The following HLCS variants were observed in gnomAD, a reference collection of about 807,000 sequenced individuals.
HLCS encodes the protein biotin--protein ligase.
A neutral mutation model predicts 75.0 loss-of-function variants in HLCS; 53 were observed. The ratio of observed to expected loss-of-function variants is 0.71; its 90% CI spans 0.57 to 0.89. The LOEUF is 0.89. Ranked by LOEUF, HLCS falls within the 40% of genes least tolerant of loss-of-function variation. HLCS has a pLI of 0.00. For synonymous variants in HLCS, 431 were observed against 428.6 expected (o/e 1.01, Z -0.07); for missense variants, 966 against 1,074.0 (o/e 0.90, Z 1.41).
intron 10 of HLCS, among the ~76,000 whole-genome samples, chr21:36,756,191 C>T (rs1174374955): frequency 1.3e-5 from 2 of 152,068 alleles, no homozygotes; most frequent in Non-Finnish European, 2.9e-5. Flanking sequence ...GTAATCCCAG[C>T]ACTTTGGGAG....
intron 5 of HLCS, among the ~76,000 whole-genome samples, chr21:36,911,093 G>A (rs1006542185): frequency 6.6e-6 from 1 of 152,162 alleles, no homozygotes; most frequent in African/African-American, 2.4e-5. Context: ...CTTAAAAATT[G>A]AGATATTTCA....
intron 6 of HLCS, among the ~76,000 whole-genome samples, chr21:36,833,779 G>C (rs1233098939): frequency 1.3e-5 from 2 of 152,042 alleles, no homozygotes; most frequent in Non-Finnish European, 2.9e-5. Context: ...TGGTAAAGGA[G>C]CCAAAGATTC....
At chr21:36,807,406 A>T (rs1176130715) in intron 6 of HLCS, among the ~76,000 whole-genome samples, 1 of 152,216 alleles carries the variant, frequency 6.6e-6, no homozygotes, top group Non-Finnish European at 1.5e-5. Flanking sequence ...CAAAAGCGAG[A>T]GCATCTCCAT....
chr21:36,930,645 A>C (rs916143515), intron 4 of HLCS, among the ~76,000 whole-genome samples: 13 of 152,032 alleles, frequency 8.6e-5, no homozygotes, highest in Non-Finnish European at 1.3e-4. Flanking sequence ...ACATCTGGCC[A>C]AAAAATTTCT....
chr21:36,977,728 T>G (rs1402547975), intron 1 of HLCS, among the ~76,000 whole-genome samples: 2 of 152,148 alleles, frequency 1.3e-5, no homozygotes, highest in Admixed American at 6.5e-5. Context: ...CCCAACAAAA[T>G]GCACACATTC....
chr21:36,921,323 T>C (rs995262379), intron 5 of HLCS, among the ~76,000 whole-genome samples: 12 of 152,162 alleles, frequency 7.9e-5, no homozygotes, highest in African/African-American at 2.9e-4. Flanking sequence ...TGTGTGCCTA[T>C]AATTCCAGCT....
intron 6 of HLCS, among the ~76,000 whole-genome samples, chr21:36,870,300 G>GT (rs1224480988): frequency 1.3e-5 from 2 of 152,046 alleles, no homozygotes; most frequent in Non-Finnish European, 2.9e-5. Context: ...CCATGAAGGG[G>GT]TGGGGGGAGG....
intron 6 of HLCS, among the ~76,000 whole-genome samples, chr21:36,845,746 T>C (rs117246661): frequency 2.7e-3 from 405 of 152,248 alleles, no homozygotes; most frequent in Non-Finnish European, 3.2e-3. Context: ...TAATCGTTAC[T>C]TGTGCTAAGT....
Position 36,936,819 on chromosome 21 carries a change from G to T in HLCS, c.1067C>A (p.Pro356Gln). 6.2e-7 allele frequency: 1 copy of T among 1,614,132 alleles called. No individual in the cohort carries two copies. The highest frequency in any genetic ancestry group is 8.5e-7 in the Non-Finnish European group (1 of 1,180,018). The part of the protein sequence containing the change: ...HLLEDSALRD[P>Q]WTDNCLLLVI... ...CAACAGCAGACAGTTGTCCGTCCAC[G>T]GGTCTCTGAGAGCACTGTCCTCCAG... Residue 356 changes from proline to glutamine, a missense_variant, in exon 4 of 11, where the codon CCG becomes CAG. By Grantham distance (76) the Pro-to-Gln change is moderately conservative (BLOSUM62 -1). Coordinates refer to ENST00000674895, the MANE Select transcript of HLCS (RefSeq NM_001352514.2).
At chr21:36,922,704 C>T (rs1022492520) in intron 5 of HLCS, among the ~76,000 whole-genome samples, 42 of 152,196 alleles carry the variant, frequency 2.8e-4, no homozygotes, top group Admixed American at 2.6e-3. Flanking sequence ...CACAGGAGCG[C>T]TCTCCTTGCA....
At chr21:36,944,555 A>C (rs2067294892) in intron 2 of HLCS, among the ~76,000 whole-genome samples, 1 of 152,004 alleles carries the variant, frequency 6.6e-6, no homozygotes, top group South Asian at 2.1e-4. Flanking sequence ...AAAACTAGTA[A>C]GGACAATTTC....
intron 1 of HLCS, among the ~76,000 whole-genome samples, chr21:36,988,221 T>A (rs1403545569): frequency 6.6e-6 from 1 of 152,172 alleles, no homozygotes; most frequent in African/African-American, 2.4e-5. Flanking sequence ...AGTTTCTAGT[T>A]TTTTCTTCCT....
Position 36,869,955 on chromosome 21 carries a change from T to C in HLCS, c.1892+26905A>G, listed in dbSNP as rs1420228469. ...AATCCTTTAGGAGTGGGAACAGGAA[T>C]ATGAACAGGAGAAAACCACCTTTAA... On this transcript the variant is annotated intron_variant, in intron 6 of 10. Coordinates refer to ENST00000674895, the MANE Select transcript of HLCS (RefSeq NM_001352514.2). 1.3e-5 allele frequency among the ~76,000 whole-genome samples: 2 copies of C among 152,174 alleles called. 1 individual carries two copies. Among genetic ancestry groups the C allele is most frequent in the Non-Finnish European group, 2.9e-5 (2 of 68,026 alleles).
intron 6 of HLCS, among the ~76,000 whole-genome samples, chr21:36,808,891 T>C (rs191019966): frequency 6.6e-6 from 1 of 152,258 alleles, no homozygotes; most frequent in East Asian, 1.9e-4. Flanking sequence ...TTCCCTTCAA[T>C]CTTAGAAGGA....
intron 2 of HLCS, among the ~76,000 whole-genome samples, chr21:36,950,026 T>C (rs529697060): frequency 9.2e-5 from 14 of 152,202 alleles, no homozygotes; most frequent in African/African-American, 3.4e-4. Context: ...TATGGACATG[T>C]CTCTATCTCA....
chr21:36,954,606 C>A (rs1277720304), intron 2 of HLCS, among the ~76,000 whole-genome samples: 5 of 151,874 alleles, frequency 3.3e-5, no homozygotes, highest in Non-Finnish European at 7.4e-5. Flanking sequence ...CAGAGCAAGA[C>A]TCAGTCTCAA....
rs539250125 is a variant in HLCS, at chr21:36,897,155, G to A, written c.1621-24C>T. On this transcript the variant is annotated intron_variant, in intron 5 of 10. Coordinates refer to ENST00000674895, the MANE Select transcript of HLCS (RefSeq NM_001352514.2). ...TCCTGTGTCATAAAGAAAGAAATGA[G>A]ATGGTCGTAATTTGGCATTACATTA... 5.6e-6 allele frequency: 9 copies of A among 1,613,862 alleles called. No individual in the cohort carries two copies. In the South Asian group the frequency reaches 9.9e-5, roughly 18 times the overall value.
intron 5 of HLCS, among the ~76,000 whole-genome samples, chr21:36,912,241 A>G (rs2065749581): frequency 6.6e-6 from 1 of 152,126 alleles, no homozygotes; most frequent in Admixed American, 6.5e-5. Context: ...GTGTCCCTCA[A>G]TAGACAAATG....
intron 6 of HLCS, among the ~76,000 whole-genome samples, chr21:36,837,007 A>G (rs1450355378): frequency 1.3e-5 from 2 of 152,140 alleles, no homozygotes; most frequent in Non-Finnish European, 2.9e-5. Context: ...AACATGGTGA[A>G]ACCCCATGTC....
Sources: gnomAD v4.1 joint callset for allele counts (sites outside exome capture counted in the v4.1 genomes callset) on GRCh38, gnomAD v4.1.1 for gene constraint, MANE v1.5 for transcripts, NCBI Gene and HGNC (gene_info 2026-07-23, HGNC 2026-07-21) for gene names.